Variants in DEFB4B observed in about 807,000 individuals in gnomAD.
DEFB4B encodes the protein beta-defensin 4B.
At chr8:7,415,529 C>A in intron 1 of DEFB4B, among the ~76,000 whole-genome samples, 1 of 151,424 alleles carries the variant, frequency 6.6e-6, no homozygotes, top group East Asian at 1.9e-4. Context: ...AGTATTTGAT[C>A]TGAGATGGGA....
rs1808775461 is a variant in DEFB4B, at chr8:7,415,101, A to G, written c.59-4T>C. On this transcript the variant is annotated splice_region_variant and splice_polypyrimidine_tract_variant and intron_variant, in intron 1 of 1. Transcript: ENST00000318157. ...TCGCCTATACCACCAAAAACACCTA[A>G]CAGGGAAAAAACACACAAAAAGAGC... is the stretch of plus-strand genomic sequence containing the variant. 1 of 1,030,738 alleles carries G rather than the reference A, an allele frequency of 9.7e-7. No homozygotes were observed. The highest frequency in any genetic ancestry group is 1.4e-6 in the Non-Finnish European group (1 of 711,046). The allele number at this position is 1,030,738 out of a possible 1,614,324, so 63.8% of individuals were successfully genotyped here.
intron 1 of DEFB4B, among the ~76,000 whole-genome samples, chr8:7,416,255 A>G (rs541579487): frequency 7.9e-5 from 12 of 151,786 alleles, no homozygotes; most frequent in African/African-American, 2.7e-4. Context: ...TTTAAATATA[A>G]AAATTTAGAA....
chr8:7,416,064 TA>T (rs1231152985), intron 1 of DEFB4B, among the ~76,000 whole-genome samples: 7 of 149,488 alleles, frequency 4.7e-5, no homozygotes, highest in Non-Finnish European at 1.0e-4. Context: ...CATCCAGGTT[TA>T]AAAGTTGGTT....
chr8:7,415,656 A>G (rs1355175172), intron 1 of DEFB4B, among the ~76,000 whole-genome samples: 1 of 147,700 alleles, frequency 6.8e-6, no homozygotes, highest in African/African-American at 2.5e-5. Context: ...TCTAATATCT[A>G]AGTCCTGGTT....
At chr8:7,416,071 T>A (rs2698815) in intron 1 of DEFB4B, among the ~76,000 whole-genome samples, 29,113 of 138,260 alleles carry the variant, frequency 0.21, 499 homozygotes, top group African/African-American at 0.28. Context: ...GTTTAAAAGT[T>A]GGTTTCAATG....
intron 1 of DEFB4B, among the ~76,000 whole-genome samples, 168 bp downstream of exon 1, chr8:7,416,602 G>A (rs1408381941): frequency 1.3e-5 from 2 of 148,532 alleles, no homozygotes; most frequent in Non-Finnish European, 3.0e-5. Context: ...AAAAGAGAGA[G>A]AGGGAAGAAG....
intron 1 of DEFB4B, among the ~76,000 whole-genome samples, chr8:7,416,180 T>C (rs1808847144): frequency 6.6e-6 from 1 of 151,214 alleles, no homozygotes; most frequent in Non-Finnish European, 1.5e-5. Flanking sequence ...TCTGCTGCAG[T>C]AGTTCTCACA....
chr8:7,415,697 C>CTCCCTCCT lies in DEFB4B; in HGVS notation c.59-601_59-600insAGGAGGGA, dbSNP rs1399466973. On this transcript the variant is annotated intron_variant, in intron 1 of 1. Coordinates refer to ENST00000318157, the MANE Select transcript of DEFB4B (RefSeq NM_001205266.2). Reference sequence around the variant, plus strand: ...CTCATTCTTCTTTTTTTATCCCTCCCTCCCTCCCTCCCTCCCTCCCTCCCT... The same window carrying CTCCCTCCT: ...CTCATTCTTCTTTTTTTATCCCTCCCTCCCTCCTTCCCTCCCTCCCTCCCTCCCTCCCT... Among the ~76,000 whole-genome samples, 15 of 112,562 alleles carry CTCCCTCCT rather than the reference C, an allele frequency of 1.3e-4. 1 individual carries two copies. The highest frequency in any genetic ancestry group is 4.3e-4 in the African/African-American group (11 of 25,716). 73.8% of individuals were successfully genotyped at this position (112,562 alleles called of 152,430 possible).
chr8:7,416,530 A>G (rs990999692), intron 1 of DEFB4B, among the ~76,000 whole-genome samples: 1 of 151,276 alleles, frequency 6.6e-6, no homozygotes, highest in Non-Finnish European at 1.5e-5. Context: ...TGTGGGTAGA[A>G]GAAAGGAAAG....
rs1372562861 is a variant in DEFB4B, at chr8:7,415,482, A to G, written c.59-385T>C. 6.6e-5 allele frequency among the ~76,000 whole-genome samples: 10 copies of G among 151,456 alleles called. No individual in the cohort carries two copies. The East Asian group carries it at 1.9e-3, about 29-fold the overall frequency. ...ACCTCCATTTTAACACACACAAGCCAGTAAACTTTTGCTTTTTCAAATCAT... is the reference window on the plus strand; with the variant it reads ...ACCTCCATTTTAACACACACAAGCCGGTAAACTTTTGCTTTTTCAAATCAT... On this transcript the variant is annotated intron_variant, in intron 1 of 1. Coordinates refer to ENST00000318157, the MANE Select transcript of DEFB4B (RefSeq NM_001205266.2).
At chr8:7,416,195 A>C (rs1242745737) in intron 1 of DEFB4B, among the ~76,000 whole-genome samples, 1 of 151,388 alleles carries the variant, frequency 6.6e-6, no homozygotes, top group Non-Finnish European at 1.5e-5. Flanking sequence ...CTCACAGTAT[A>C]GGCTGGGCCT....
chr8:7,415,621 G>A (rs866681545), intron 1 of DEFB4B, among the ~76,000 whole-genome samples: 3 of 150,864 alleles, frequency 2.0e-5, no homozygotes, highest in Non-Finnish European at 4.4e-5. Context: ...ATTAACCATA[G>A]AAATAAATTT....
chr8:7,415,443 A>T (rs1242853857), intron 1 of DEFB4B, among the ~76,000 whole-genome samples: 2 of 151,342 alleles, frequency 1.3e-5, no homozygotes, highest in Non-Finnish European at 2.9e-5. Context: ...AGAAGATAAT[A>T]TCAAAGCCAC....
chr8:7,415,725 T>TCCCTCCCTCCC (rs1808817707), intron 1 of DEFB4B, among the ~76,000 whole-genome samples: 2 of 38,240 alleles, frequency 5.2e-5, no homozygotes, highest in Non-Finnish European at 1.0e-4. Flanking sequence ...CCCTCCCTCC[T>TCCCTCCCTCCC]TCCCTCCCTC....
intron 1 of DEFB4B, among the ~76,000 whole-genome samples, chr8:7,415,533 G>T (rs1302148339): frequency 2.6e-5 from 4 of 151,438 alleles, no homozygotes; most frequent in Non-Finnish European, 5.9e-5. Context: ...TTTGATCTGA[G>T]ATGGGATAAA....
intron 1 of DEFB4B, among the ~76,000 whole-genome samples, chr8:7,415,311 G>C (rs1419480784): frequency 6.7e-6 from 1 of 150,320 alleles, no homozygotes; most frequent in African/African-American, 2.5e-5. Flanking sequence ...GTGGTTTGGG[G>C]GATGTTTATT....
chr8:7,415,598 G>A (rs531476825), intron 1 of DEFB4B, among the ~76,000 whole-genome samples: 4 of 151,388 alleles, frequency 2.6e-5, no homozygotes, highest in East Asian at 3.9e-4. Context: ...GTAACTTACA[G>A]TTGAAAACCA....
At chr8:7,415,358 C>A (rs1398727259) in intron 1 of DEFB4B, among the ~76,000 whole-genome samples, 1 of 151,202 alleles carries the variant, frequency 6.6e-6, no homozygotes, top group South Asian at 2.1e-4. Flanking sequence ...CTGATCTCTC[C>A]TGAGTGACTG....
At chr8:7,416,378 T>A (rs576991395) in intron 1 of DEFB4B, among the ~76,000 whole-genome samples, 1 of 151,850 alleles carries the variant, frequency 6.6e-6, no homozygotes, top group South Asian at 2.1e-4. Flanking sequence ...TGGAAAGCAG[T>A]GAAGAGATGA....
Sources: gnomAD v4.1 joint callset for allele counts (sites outside exome capture counted in the v4.1 genomes callset) on GRCh38, gnomAD v4.1.1 for gene constraint, MANE v1.5 for transcripts, NCBI Gene and HGNC (gene_info 2026-07-23, HGNC 2026-07-21) for gene names.